RELCH: variants seen among roughly 807,000 people sequenced by gnomAD.
RELCH encodes RAB11 binding and LisH domain, coiled-coil and HEAT repeat containing.
RELCH carries 41 observed loss-of-function variants against 150.3 expected under a neutral mutation model. The ratio of observed to expected loss-of-function variants is 0.27; its 90% CI spans 0.21 to 0.35. The LOEUF (loss-of-function observed/expected upper bound fraction) is 0.35, where lower values mean the gene tolerates loss of function less well. Among genes scored for constraint, RELCH ranks in the 10% least tolerant of loss-of-function variants. The pLI, the probability that RELCH is intolerant of heterozygous loss-of-function variation, is 1.00. For synonymous variants in RELCH, 478 were observed against 531.8 expected (o/e 0.90, Z 1.39); for missense variants, 1,092 against 1,467.8 (o/e 0.74, Z 4.18).
intron 21 of RELCH, 106 bp downstream of exon 21, chr18:62,274,192 C>T (rs1371973658): frequency 1.5e-6 from 1 of 686,130 alleles, no homozygotes; most frequent in East Asian, 2.9e-5. Flanking sequence ...CACACCAATT[C>T]TCTTGGTTTT....
intron 1 of RELCH, among the ~76,000 whole-genome samples, 173 bp downstream of exon 1, chr18:62,188,204 TTC>T (rs1298425181): frequency 3.9e-5 from 6 of 152,194 alleles, no homozygotes; most frequent in Admixed American, 1.3e-4. Flanking sequence ...GCAATGACTG[TTC>T]TCTCTGCCTG....
At position 62,309,857 on chromosome 18, in the gene RELCH, GT is replaced by G. The variant is rs2045962099; in HGVS notation, c.*4324del. 2 of 152,102 alleles carry G rather than the reference GT, an allele frequency of 1.3e-5. No homozygotes were observed. Among genetic ancestry groups the G allele is most frequent in the South Asian group, 4.1e-4 (2 of 4,828 alleles). The allele number at this position is 152,102 out of a possible 1,614,324, so 9.4% of individuals were successfully genotyped here. A position where few individuals can be genotyped will look rare whatever the true frequency, so the allele number is the denominator to read the frequency against. ...TATGTAGTTTATAAACTGGTATTTT[GT>G]GTTGTGTGTTATGTATATTAAATTC... On this transcript the variant is annotated 3_prime_UTR_variant, in exon 29 of 29. Transcript: ENST00000644646.
chr18:62,302,751 C>T (rs2045721414), intron 28 of RELCH, among the ~76,000 whole-genome samples: 1 of 152,128 alleles, frequency 6.6e-6, no homozygotes, highest in East Asian at 1.9e-4. Flanking sequence ...TCTCAAACTC[C>T]TGACCTCAAG....
intron 1 of RELCH, among the ~76,000 whole-genome samples, chr18:62,189,072 A>G (rs2038404403): frequency 6.6e-6 from 1 of 152,164 alleles, no homozygotes; most frequent in Admixed American, 6.5e-5. Context: ...TGCATTTTCT[A>G]TCAAGGTGAA....
chr18:62,195,931 T>A (rs976004047), intron 1 of RELCH, among the ~76,000 whole-genome samples: 1 of 151,960 alleles, frequency 6.6e-6, no homozygotes, highest in Admixed American at 6.6e-5. Context: ...TCTGACCTCA[T>A]GTGATCCGCC....
chr18:62,206,098 T>C (rs1312896035), intron 1 of RELCH, among the ~76,000 whole-genome samples: 1 of 152,172 alleles, frequency 6.6e-6, no homozygotes. Context: ...TGTTTGTTTT[T>C]TGAGATGGAG....
intron 11 of RELCH, chr18:62,246,124 A>C (rs1198546528): frequency 6.6e-6 from 1 of 152,204 alleles, no homozygotes. Flanking sequence ...TTTTTTATGA[A>C]TCCTAAGACC....
rs755570543 is a variant in RELCH at position 62,187,757 on chromosome 18, C to T, written c.252C>T (p.Gly84=). 8 of 1,611,422 alleles carry T rather than the reference C, an allele frequency of 5.0e-6. No individual in the cohort carries two copies. Among genetic ancestry groups the T allele is most frequent in the Admixed American group, 1.7e-5 (1 of 59,548 alleles). Reference sequence around the variant, plus strand: ...CGGCGGCTGCAGTGGCCCTGGGGGGCACCGGGGAGACCCCGGCCCGATTAT... The same window carrying T: ...CGGCGGCTGCAGTGGCCCTGGGGGGTACCGGGGAGACCCCGGCCCGATTAT... ...EASAAAVALG[G]TGETPARLSI... is the part of the protein sequence containing the mutation. The change falls in exon 1 of 29, where the codon GGC becomes GGT. Residue 84 remains glycine (G), a synonymous_variant. Coordinates refer to ENST00000644646, the MANE Select transcript of RELCH (RefSeq NM_001346231.2).
chr18:62,227,077 C>T (rs2041260484), intron 5 of RELCH, among the ~76,000 whole-genome samples: 1 of 151,340 alleles, frequency 6.6e-6, no homozygotes, highest in Non-Finnish European at 1.5e-5. Flanking sequence ...CTTGTAGTTC[C>T]AGCTACTTGG....
chr18:62,277,201 A>T (rs1328643748), intron 22 of RELCH, among the ~76,000 whole-genome samples: 1 of 151,958 alleles, frequency 6.6e-6, no homozygotes, highest in Admixed American at 6.6e-5. Flanking sequence ...CTGCCTTATT[A>T]TACGTGGCTT....
intron 16 of RELCH, among the ~76,000 whole-genome samples, chr18:62,262,296 C>T (rs139670216): frequency 0.02 from 3,099 of 152,132 alleles, 36 homozygotes; most frequent in Middle Eastern, 0.068. Context: ...TGCACCTTAA[C>T]GTCCAGGACA....
chr18:62,221,321 G>A (rs2040856404), intron 4 of RELCH, 47 bp downstream of exon 4: 1 of 1,551,282 alleles, frequency 6.4e-7, no homozygotes, highest in Non-Finnish European at 8.9e-7. Context: ...ACATTAAATG[G>A]TAACATAAAT....
chr18:62,207,238 T>G (rs2039861338), intron 1 of RELCH, among the ~76,000 whole-genome samples: 1 of 152,200 alleles, frequency 6.6e-6, no homozygotes, highest in African/African-American at 2.4e-5. Context: ...TTTATATAGA[T>G]GGAAATCATA....
intron 27 of RELCH, among the ~76,000 whole-genome samples, chr18:62,297,482 A>C (rs1237224631): frequency 6.6e-6 from 1 of 152,192 alleles, no homozygotes; most frequent in African/African-American, 2.4e-5. Context: ...GGATAAAAAA[A>C]AATACAAAAA....
intron 13 of RELCH, among the ~76,000 whole-genome samples, chr18:62,256,900 A>G (rs568058455): frequency 2.6e-5 from 4 of 152,236 alleles, no homozygotes; most frequent in Admixed American, 1.3e-4. Flanking sequence ...TAAAAAGTAA[A>G]TAAATGAGGC....
intron 1 of RELCH, among the ~76,000 whole-genome samples, chr18:62,201,182 C>G (rs1163146138): frequency 6.6e-6 from 1 of 151,792 alleles, no homozygotes; most frequent in Non-Finnish European, 1.5e-5. Context: ...ACCGTTTCAG[C>G]CAGGATGGTC....
Position 62,282,371 on chromosome 18 carries a change from T to C in RELCH, c.3180T>C (p.His1060=), listed in dbSNP as rs541375950. The part of the protein sequence containing the change: ...FLEDPQYQDQ[H]SLHTEIIKTF... ...AAGATCCTCAGTATCAAGACCAACA[T>C]TCTTTGCATACAGAGATCATAAAAA... Residue 1060 remains histidine (H), a synonymous_variant, in exon 25 of 29, where the codon CAT becomes CAC. Coordinates refer to ENST00000644646, the MANE Select transcript of RELCH (RefSeq NM_001346231.2). 2 of 1,613,008 alleles carry C rather than the reference T, an allele frequency of 1.2e-6. No individual in the cohort carries two copies. The highest frequency in any genetic ancestry group is 2.2e-5 in the East Asian group (1 of 44,848).
intron 11 of RELCH, chr18:62,246,943 C>T (rs1007081655): frequency 3.3e-5 from 5 of 152,094 alleles, no homozygotes; most frequent in South Asian, 2.1e-4. Flanking sequence ...TTTTTATATA[C>T]GATATTTGTC....
chr18:62,211,742 A>G (rs1473471042), intron 2 of RELCH, among the ~76,000 whole-genome samples: 1 of 152,076 alleles, frequency 6.6e-6, no homozygotes, highest in Non-Finnish European at 1.5e-5. Flanking sequence ...TGGGCAACAT[A>G]ATGACACTTA....
Sources: allele counts gnomAD v4.1 joint callset (sites outside exome capture counted in the v4.1 genomes callset), GRCh38; gene constraint gnomAD v4.1.1; transcripts MANE v1.5; gene names NCBI Gene and HGNC (gene_info 2026-07-23, HGNC 2026-07-21).